Variants in LRRC9 observed in about 807,000 individuals in gnomAD.
LRRC9 encodes leucine rich repeat containing 9.
Under a neutral mutation model 63.2 loss-of-function variants are expected in LRRC9, and 122 were observed. The observed-to-expected ratio is 1.93, with a 90% CI of 1.67 to 2.24. The LOEUF is 2.24. LRRC9 is among the 30% of genes most tolerant of loss of function. The pLI, the probability that LRRC9 is intolerant of heterozygous loss-of-function variation, is 0.00. For missense variants in LRRC9, 1,071 were observed against 627.7 expected, an observed-to-expected ratio of 1.71 and a Z score of -7.55; for synonymous variants, 366 against 213.1, an observed-to-expected ratio of 1.72 and a Z score of -6.25.
Position 60,017,461 on chromosome 14 carries a change from T to C in LRRC9, c.3317+671T>C, listed in dbSNP as rs944727220. ...AAGATGTTTCTCCTCCATGCTGTCA[T>C]CCTTGACTTTTTAAAATAGATTTTA... On this transcript the variant is annotated intron_variant, in intron 24 of 31. Transcript: ENST00000445360. This position sits in a 1 kb window ranked among gnomAD's most constrained non-coding sequence, Gnocchi z 4.0. Among the ~76,000 whole-genome samples, 2 of 152,108 alleles carry C rather than the reference T, an allele frequency of 1.3e-5. No individual in the cohort carries two copies. Among genetic ancestry groups the C allele is most frequent in the African/African-American group, 4.8e-5 (2 of 41,438 alleles).
In LRRC9 at chr14:59,986,868, G is replaced by A. The variant is rs1887525546; in HGVS notation, c.2211+1644G>A. Among the ~76,000 whole-genome samples, 1 of 151,988 alleles carries A rather than the reference G, an allele frequency of 6.6e-6. No homozygotes were observed. Among genetic ancestry groups the A allele is most frequent in the Admixed American group, 6.6e-5 (1 of 15,258 alleles). On this transcript the variant is annotated intron_variant, in intron 17 of 31. Coordinates refer to ENST00000445360, the Ensembl canonical transcript of LRRC9. The surrounding 1 kb of genome is among the most constrained non-coding windows in gnomAD (Gnocchi z 4.7). ...AACTGGGTAAGTTTTATGCCAAAGT[G>A]GTATTTTCAAATTTTAGGATGAGTA...
rs990060470 is a variant in LRRC9 at position 59,964,207 on chromosome 14, CTTTTG to C, written c.1212-2372_1212-2368del. Among the ~76,000 whole-genome samples the C allele has an allele frequency of 1.3e-5, 2 of 152,056 alleles. No individual in the cohort carries two copies. Among genetic ancestry groups the C allele is most frequent in the Admixed American group, 6.6e-5 (1 of 15,266 alleles). On this transcript the variant is annotated intron_variant, in intron 10 of 31. Coordinates refer to ENST00000445360, the Ensembl canonical transcript of LRRC9. This position sits in a 1 kb window ranked among gnomAD's most constrained non-coding sequence, Gnocchi z 4.4. ...GGAAGGTAACAAATGGCTGCAAAGG[CTTTTG>C]TTTTGTTTTATTGGCAGACTCTTCA... is the stretch of plus-strand genomic sequence containing the variant.
chr14:60,038,556 G>C (rs1203394994), intron 29 of LRRC9, among the ~76,000 whole-genome samples: 1 of 152,112 alleles, frequency 6.6e-6, no homozygotes, highest in East Asian at 1.9e-4. Flanking sequence ...CTCACAATTT[G>C]GCTCTCTGTT....
chr14:59,954,806 T>C (rs1883555157), intron 8 of LRRC9, among the ~76,000 whole-genome samples: 1 of 152,172 alleles, frequency 6.6e-6, no homozygotes. Context: ...TCTTATTATT[T>C]TGAGATATGT....
rs1048331129 is a variant in LRRC9 at position 60,042,450 on chromosome 14, C to T, written c.3990+10387C>T. 7.2e-5 allele frequency among the ~76,000 whole-genome samples: 11 copies of T among 152,224 alleles called. No individual in the cohort carries two copies. Among genetic ancestry groups the T allele is most frequent in the African/African-American group, 1.9e-4 (8 of 41,462 alleles). On this transcript the variant is annotated intron_variant, in intron 29 of 31. Coordinates refer to ENST00000445360, the Ensembl canonical transcript of LRRC9. The surrounding 1 kb of genome is among the most constrained non-coding windows in gnomAD (Gnocchi z 4.2). ...TTACCTATTCAAGCCTCAGCAATGG[C>T]GGATGCCCCTCCCCTAGCCTCGCTG... is the stretch of plus-strand genomic sequence containing the variant.
rs117486277 is a variant in LRRC9, at chr14:59,971,524, A to G, written c.1507-3052A>G. ...GACTTTATAAATTGGTTTGGGCAGT[A>G]TGGCCATTTTAACAATATTGATTCT... On this transcript the variant is annotated intron_variant, in intron 12 of 31. Transcript: ENST00000445360. Among the ~76,000 whole-genome samples, 517 of 152,264 alleles carry G rather than the reference A, an allele frequency of 3.4e-3. 17 individuals are homozygous for G. The East Asian group carries it at 0.057, about 17-fold the overall frequency.
chr14:59,962,955 AATT>A lies in LRRC9; in HGVS notation c.1211+1911_1211+1913del, dbSNP rs1884489893. Among the ~76,000 whole-genome samples, 1 of 152,196 alleles carries A rather than the reference AATT, an allele frequency of 6.6e-6. No individual in the cohort carries two copies. Among genetic ancestry groups the A allele is most frequent in the South Asian group, 2.1e-4 (1 of 4,828 alleles). On this transcript the variant is annotated intron_variant, in intron 10 of 31. Transcript: ENST00000445360. The surrounding 1 kb of genome is among the most constrained non-coding windows in gnomAD (Gnocchi z 5.1). Reference sequence around the variant, plus strand: ...GAATATATCAAATATATGTTAGCAGAATTTAAAGTACTGTTTTTTAGTTTTAGC... The same window carrying A: ...GAATATATCAAATATATGTTAGCAGATAAAGTACTGTTTTTTAGTTTTAGC...
chr14:60,027,480 T>C lies in LRRC9; in HGVS notation c.3704-404T>C, dbSNP rs990283213. Among the ~76,000 whole-genome samples the C allele has an allele frequency of 2.0e-5, 3 of 152,068 alleles. No individual in the cohort carries two copies. Among genetic ancestry groups the C allele is most frequent in the Non-Finnish European group, 2.9e-5 (2 of 67,982 alleles). ...ATTCTTCTAACATAATACAACAAAT[T>C]AGTCTATTTTAAGAAATAATTAAAT... is the stretch of plus-strand genomic sequence containing the variant. On this transcript the variant is annotated intron_variant, in intron 27 of 31. Transcript: ENST00000445360. The surrounding 1 kb of genome is among the most constrained non-coding windows in gnomAD (Gnocchi z 4.0).
chr14:59,946,338 T>TA (rs1594842085), intron 8 of LRRC9, among the ~76,000 whole-genome samples: 1 of 151,038 alleles, frequency 6.6e-6, no homozygotes, highest in East Asian at 1.9e-4. Context: ...ATTATTTCCA[T>TA]AAAAATCACA....
intron 12 of LRRC9, among the ~76,000 whole-genome samples, chr14:59,967,723 C>G (rs892071753): frequency 2.6e-5 from 4 of 152,196 alleles, no homozygotes; most frequent in African/African-American, 9.7e-5. Flanking sequence ...ACCATCTTGA[C>G]AAGGCAGCTG....
At position 59,962,976 on chromosome 14, in the gene LRRC9, G is replaced by C. The variant is rs2139981354; in HGVS notation, c.1211+1931G>C. Among the ~76,000 whole-genome samples the C allele has an allele frequency of 6.6e-6, 1 of 152,156 alleles. No homozygotes were observed. Among genetic ancestry groups the C allele is most frequent in the South Asian group, 2.1e-4 (1 of 4,826 alleles). ...GCAGAATTTAAAGTACTGTTTTTTA[G>C]TTTTAGCATACTGCAAGCTTGGCTA... On this transcript the variant is annotated intron_variant, in intron 10 of 31. Coordinates refer to ENST00000445360, the Ensembl canonical transcript of LRRC9. This position sits in a 1 kb window ranked among gnomAD's most constrained non-coding sequence, Gnocchi z 5.1.
intron 17 of LRRC9, among the ~76,000 whole-genome samples, chr14:59,995,855 G>C (rs767552560): frequency 4.6e-5 from 7 of 152,006 alleles, no homozygotes; most frequent in Non-Finnish European, 1.0e-4. Context: ...CGATTCTTCT[G>C]CCTCAGCCTC....
chr14:59,977,181 A>C (rs1210366447), intron 13 of LRRC9, 44 bp from the exon 14 acceptor site: 1 of 644,054 alleles, frequency 1.6e-6, no homozygotes, highest in African/African-American at 1.8e-5. Context: ...AAAATTATTA[A>C]AGTTAATTAT....
At chr14:59,933,626 A>G (rs1035440198) in intron 6 of LRRC9, among the ~76,000 whole-genome samples, 1 of 152,206 alleles carries the variant, frequency 6.6e-6, no homozygotes, top group Non-Finnish European at 1.5e-5. Flanking sequence ...AAATACCAAA[A>G]AGCTATAGAA....
intron 12 of LRRC9, among the ~76,000 whole-genome samples, chr14:59,967,434 T>G (rs1407891738): frequency 6.6e-6 from 1 of 152,230 alleles, no homozygotes; most frequent in African/African-American, 2.4e-5. Flanking sequence ...TACGTAATCC[T>G]TCTAGGCATC....
At chr14:59,956,816 C>T (rs1883804819) in intron 8 of LRRC9, among the ~76,000 whole-genome samples, 1 of 152,110 alleles carries the variant, frequency 6.6e-6, no homozygotes, top group Admixed American at 6.5e-5. Context: ...TCTTGTAAGG[C>T]AGGCCTGGTG....
chr14:60,038,072 T>C (rs1892605166), intron 29 of LRRC9, among the ~76,000 whole-genome samples: 1 of 152,252 alleles, frequency 6.6e-6, no homozygotes, highest in South Asian at 2.1e-4. Flanking sequence ...GATCAGATGG[T>C]TGTAGATGTG....
chr14:60,063,292 T>G (rs889310186), intron 31 of LRRC9, 31 bp from the exon 33 acceptor site: 1 of 698,236 alleles, frequency 1.4e-6, no homozygotes, highest in African/African-American at 1.8e-5. Context: ...AAGTCACCAC[T>G]ATTTGACTAA....
intron 10 of LRRC9, among the ~76,000 whole-genome samples, 182 bp downstream of exon 10, chr14:59,961,227 CTA>C (rs1282892852): frequency 6.6e-6 from 1 of 152,142 alleles, no homozygotes; most frequent in African/African-American, 2.4e-5. Flanking sequence ...TACTTTCCGC[CTA>C]TACATTTCTG....
Sources: allele counts gnomAD v4.1 joint callset (sites outside exome capture counted in the v4.1 genomes callset), GRCh38; gene constraint gnomAD v4.1.1; non-coding constraint Gnocchi (gnomAD v3.1); transcripts MANE v1.5; gene names NCBI Gene and HGNC (gene_info 2026-07-23, HGNC 2026-07-21).